Variants in POTEJ observed in about 807,000 individuals in gnomAD.
POTEJ encodes the protein POTE ankyrin domain family member J.
POTEJ carries 11 observed loss-of-function variants against 69.0 expected under a neutral mutation model. The observed-to-expected ratio is 0.16, with a 90% confidence interval of 0.10 to 0.26. The LOEUF (loss-of-function observed/expected upper bound fraction) is 0.26, where lower values mean the gene tolerates loss of function less well. POTEJ is among the 10% of genes least tolerant of loss of function. The probability of loss-of-function intolerance (pLI) is 1.00; values close to 1 mark genes in which losing one functional copy is unlikely to be tolerated. For missense variants in POTEJ, 327 were observed against 1,045.5 expected, an observed-to-expected ratio of 0.31 and a Z score of 9.48; for synonymous variants, 117 against 381.1, an observed-to-expected ratio of 0.31 and a Z score of 8.07.
At chr2:130,631,108 G>T (rs1685881840) in intron 7 of POTEJ, among the ~76,000 whole-genome samples, 1 of 146,064 alleles carries the variant, frequency 6.8e-6, no homozygotes, top group African/African-American at 2.7e-5. Context: ...CCAAACAAAT[G>T]GTGACCAAGT....
At chr2:130,630,808 A>G (rs1346728643) in intron 7 of POTEJ, among the ~76,000 whole-genome samples, 1 of 145,602 alleles carries the variant, frequency 6.9e-6, no homozygotes, top group Non-Finnish European at 1.5e-5. Context: ...TTAGAACTGG[A>G]CTTAAGCAGA....
intron 9 of POTEJ, among the ~76,000 whole-genome samples, chr2:130,636,952 G>C (rs537677525): frequency 6.8e-6 from 1 of 146,692 alleles, no homozygotes; most frequent in East Asian, 1.9e-4. Flanking sequence ...GGTGGCATGC[G>C]CCTGTAGTCC....
At chr2:130,644,200 G>T (rs1413272902) in intron 11 of POTEJ, 147 bp downstream of exon 11, 1 of 139,464 alleles carries the variant, frequency 7.2e-6, no homozygotes, top group African/African-American at 2.7e-5. Flanking sequence ...GCCAGGCAAG[G>T]TGGCTCACGC....
chr2:130,627,172 G>T (rs559718245), intron 6 of POTEJ, among the ~76,000 whole-genome samples: 1 of 151,748 alleles, frequency 6.6e-6, no homozygotes, highest in Non-Finnish European at 1.5e-5. Flanking sequence ...AATGACTAAT[G>T]TTTTTCTATG....
chr2:130,626,673 A>G (rs1204521368), intron 6 of POTEJ, among the ~76,000 whole-genome samples: 1 of 152,174 alleles, frequency 6.6e-6, no homozygotes, highest in East Asian at 1.9e-4. Context: ...CCCTGTAAAG[A>G]AACCAGGAGA....
chr2:130,631,816 TA>T, intron 8 of POTEJ, among the ~76,000 whole-genome samples: 1 of 143,066 alleles, frequency 7.0e-6, no homozygotes, highest in East Asian at 1.9e-4. Context: ...TAGATAATTG[TA>T]TGGCTATTCA....
At chr2:130,641,616 T>C (rs1310672981) in intron 10 of POTEJ, among the ~76,000 whole-genome samples, 12 of 151,648 alleles carry the variant, frequency 7.9e-5, no homozygotes, top group South Asian at 2.1e-4. Context: ...TTCCAGATTG[T>C]ACACTAGTAT....
chr2:130,655,595 G>T (rs1262012670), intron 14 of POTEJ, among the ~76,000 whole-genome samples: 7 of 152,146 alleles, frequency 4.6e-5, no homozygotes, highest in Non-Finnish European at 1.0e-4. Flanking sequence ...TTTCTTTCTG[G>T]AGAAATAGTT....
At position 130,656,632 on chromosome 2, in the gene POTEJ, G is replaced by A. The variant is rs1250207667; in HGVS notation, c.1872G>A (p.Glu624=). The A allele has an allele frequency of 6.2e-7, 1 of 1,610,100 alleles. No individual in the cohort carries two copies. The highest frequency in any genetic ancestry group is 8.5e-7 in the Non-Finnish European group (1 of 1,179,864). Reference sequence around the variant, plus strand: ...AAGAAATTGCCATGCTAAGACTGGAGCTAGACACAATGAAACATCAGAGCC... The same window carrying A: ...AAGAAATTGCCATGCTAAGACTGGAACTAGACACAATGAAACATCAGAGCC... The part of the protein sequence containing the change: ...LREEIAMLRL[E]LDTMKHQSQL... The change falls in exon 15 of 15, where the codon GAG becomes GAA. Residue 624 remains glutamate, a synonymous_variant. Transcript: ENST00000409602.
intron 6 of POTEJ, among the ~76,000 whole-genome samples, chr2:130,625,111 A>G (rs1357138862): frequency 5.9e-5 from 9 of 152,290 alleles, no homozygotes; most frequent in Admixed American, 4.6e-4. Flanking sequence ...TAATTTAGCC[A>G]TCTATTTATC....
intron 5 of POTEJ, among the ~76,000 whole-genome samples, chr2:130,623,752 A>T (rs909381952): frequency 2.2e-5 from 3 of 138,976 alleles, no homozygotes; most frequent in Non-Finnish European, 4.6e-5. Flanking sequence ...GTTGTCCAAG[A>T]ACAAATAGCT....
At chr2:130,640,160 G>C (rs1415063395) in intron 10 of POTEJ, among the ~76,000 whole-genome samples, 1 of 146,974 alleles carries the variant, frequency 6.8e-6, no homozygotes, top group East Asian at 1.9e-4. Context: ...TTGGCAGAAG[G>C]AACATGGAGT....
chr2:130,640,938 C>G (rs1276563031), intron 10 of POTEJ, among the ~76,000 whole-genome samples: 2 of 152,038 alleles, frequency 1.3e-5, no homozygotes, highest in Non-Finnish European at 1.5e-5. Flanking sequence ...AGGGGAGTCA[C>G]AAGATTAAAT....
intron 10 of POTEJ, among the ~76,000 whole-genome samples, chr2:130,640,578 G>A (rs1421507505): frequency 6.6e-6 from 1 of 151,910 alleles, no homozygotes; most frequent in East Asian, 1.9e-4. Flanking sequence ...TTCGTGGTTG[G>A]CTAATCCGCA....
At chr2:130,626,829 TG>T (rs1685727303) in intron 6 of POTEJ, among the ~76,000 whole-genome samples, 3 of 152,314 alleles carry the variant, frequency 2.0e-5, no homozygotes, top group South Asian at 4.1e-4. Flanking sequence ...TGTTGGCCTT[TG>T]TTTTTTTGGT....
intron 3 of POTEJ, among the ~76,000 whole-genome samples, chr2:130,618,920 AT>A (rs1162604670): frequency 6.3e-4 from 76 of 120,912 alleles, no homozygotes; most frequent in East Asian, 5.9e-3. Context: ...ATTTTATTTT[AT>A]TTTTTTTATT....
At chr2:130,634,980 G>A (rs1343832139) in intron 9 of POTEJ, among the ~76,000 whole-genome samples, 2 of 151,734 alleles carry the variant, frequency 1.3e-5, no homozygotes, top group African/African-American at 4.9e-5. Context: ...CAATATTTGA[G>A]CCAGTGGAGG....
chr2:130,640,616 CACA>C (rs879510608), intron 10 of POTEJ, among the ~76,000 whole-genome samples: 4 of 151,856 alleles, frequency 2.6e-5, no homozygotes, highest in Non-Finnish European at 4.4e-5. Flanking sequence ...GTTCTCACAA[CACA>C]ACATCGCAAG....
At chr2:130,654,226 TA>T (rs1686902282) in intron 13 of POTEJ, among the ~76,000 whole-genome samples, 1 of 127,310 alleles carries the variant, frequency 7.9e-6, no homozygotes, top group Non-Finnish European at 1.7e-5. Context: ...ATCAAGAATA[TA>T]AGTAGAAAGT....
Sources: allele counts gnomAD v4.1 joint callset (sites outside exome capture counted in the v4.1 genomes callset), GRCh38; gene constraint gnomAD v4.1.1; transcripts MANE v1.5; gene names NCBI Gene and HGNC (gene_info 2026-07-23, HGNC 2026-07-21).